PBX1: variants seen among roughly 807,000 people sequenced by gnomAD.
The protein encoded by PBX1 is PBX homeobox 1.
In PBX1, 6 loss-of-function variants were observed where a neutral mutation model predicts 53.4. The ratio of observed to expected loss-of-function variants is 0.11; its 90% CI spans 0.06 to 0.22. The LOEUF is 0.22. PBX1 is among the 10% of genes least tolerant of loss of function. The probability of loss-of-function intolerance (pLI) is 1.00; values close to 1 mark genes in which losing one functional copy is unlikely to be tolerated. For missense variants in PBX1, 251 were observed against 551.4 expected (o/e 0.46, Z 5.46); for synonymous variants, 204 against 212.3 (o/e 0.96, Z 0.34).
chr1:164,842,962 G>A (rs1671376425), intron 8 of PBX1, among the ~76,000 whole-genome samples: 1 of 133,254 alleles, frequency 7.5e-6, no homozygotes, highest in Admixed American at 8.1e-5. Context: ...ACTCTGCCCA[G>A]AGATAAATAA....
At chr1:164,603,884 T>C (rs1392389102) in intron 2 of PBX1, among the ~76,000 whole-genome samples, 1 of 150,784 alleles carries the variant, frequency 6.6e-6, no homozygotes, top group Non-Finnish European at 1.5e-5. Context: ...GCAGATACTG[T>C]TTGCTAGACA....
chr1:164,816,083 T>C (rs1669867753), intron 6 of PBX1: 1 of 152,210 alleles, frequency 6.6e-6, no homozygotes, highest in African/African-American at 2.4e-5. Flanking sequence ...CCCACTGATG[T>C]TTTATCTCAT....
At chr1:164,763,157 A>G (rs1412157006) in intron 2 of PBX1, among the ~76,000 whole-genome samples, 2 of 152,230 alleles carry the variant, frequency 1.3e-5, no homozygotes, top group African/African-American at 4.8e-5. Context: ...CTGAAACCAC[A>G]TCCACCCCCT....
chr1:164,768,603 C>T (rs1447341063), intron 2 of PBX1, among the ~76,000 whole-genome samples: 1 of 152,186 alleles, frequency 6.6e-6, no homozygotes, highest in Non-Finnish European at 1.5e-5. Context: ...AGAATGGTTC[C>T]AGCCAGCAAG....
At chr1:164,722,737 T>G (rs1237605654) in intron 2 of PBX1, among the ~76,000 whole-genome samples, 1 of 152,220 alleles carries the variant, frequency 6.6e-6, no homozygotes, top group Non-Finnish European at 1.5e-5. Context: ...ACTAAGACCA[T>G]GCCTTAGCAA....
At chr1:164,681,260 G>C (rs1661754056) in intron 2 of PBX1, among the ~76,000 whole-genome samples, 1 of 152,074 alleles carries the variant, frequency 6.6e-6, no homozygotes, top group Non-Finnish European at 1.5e-5. Flanking sequence ...CTAAGAACTA[G>C]ATAAAAGAAA....
intron 2 of PBX1, among the ~76,000 whole-genome samples, chr1:164,598,898 A>G (rs2101793833): frequency 6.6e-6 from 1 of 152,238 alleles, no homozygotes; most frequent in South Asian, 2.1e-4. Context: ...CTTTTACATA[A>G]AAGAAAACAG....
At chr1:164,784,861 C>A (rs146186862) in intron 2 of PBX1, among the ~76,000 whole-genome samples, 31 of 152,246 alleles carry the variant, frequency 2.0e-4, no homozygotes, top group African/African-American at 7.5e-4. Flanking sequence ...TCCTTCAAAT[C>A]CCTGAACTTG....
At chr1:164,822,059 G>T (rs527326035) in intron 8 of PBX1, among the ~76,000 whole-genome samples, 1 of 152,072 alleles carries the variant, frequency 6.6e-6, no homozygotes, top group East Asian at 1.9e-4. Context: ...GTCTATGGAC[G>T]ATTAAAAAGA....
chr1:164,761,450 CTT>C (rs35369933), intron 2 of PBX1, among the ~76,000 whole-genome samples: 1 of 146,524 alleles, frequency 6.8e-6, no homozygotes. Context: ...GGACATTATT[CTT>C]TTTTTTTTTT....
At chr1:164,807,827 T>C in intron 5 of PBX1, 150 bp downstream of exon 5, 1 of 868,946 alleles carries the variant, frequency 1.2e-6, no homozygotes, top group Non-Finnish European at 1.7e-6. Context: ...ACTTGATGTG[T>C]ATGCGTATAA....
chr1:164,716,076 A>G (rs1039736084), intron 2 of PBX1, among the ~76,000 whole-genome samples: 1 of 152,232 alleles, frequency 6.6e-6, no homozygotes, highest in Admixed American at 6.5e-5. Flanking sequence ...CGTGACTGGC[A>G]TATTTGGGTC....
chr1:164,645,128 T>C (rs1659376734), intron 2 of PBX1, among the ~76,000 whole-genome samples: 1 of 152,176 alleles, frequency 6.6e-6, no homozygotes, highest in African/African-American at 2.4e-5. Context: ...CCATGAGTCA[T>C]CCACTGGGTT....
At chr1:164,826,413 C>T (rs1471459593) in intron 8 of PBX1, among the ~76,000 whole-genome samples, 1 of 151,082 alleles carries the variant, frequency 6.6e-6, no homozygotes, top group African/African-American at 2.4e-5. Context: ...TGTTTGTTTT[C>T]TTTTTTTTTG....
intron 2 of PBX1, among the ~76,000 whole-genome samples, chr1:164,713,122 G>A (rs1663894417): frequency 2.6e-5 from 4 of 152,128 alleles, no homozygotes; most frequent in Admixed American, 2.0e-4. Flanking sequence ...CAAGTCATTC[G>A]TTAATGACTG....
At chr1:164,722,805 C>G (rs1382927523) in intron 2 of PBX1, among the ~76,000 whole-genome samples, 3 of 151,458 alleles carry the variant, frequency 2.0e-5, no homozygotes, top group Admixed American at 2.0e-4. Context: ...GGTGCAGAAG[C>G]ACTGCTCAGG....
chr1:164,693,482 T>A (rs1054425510), intron 2 of PBX1, among the ~76,000 whole-genome samples: 1 of 152,102 alleles, frequency 6.6e-6, no homozygotes, highest in Admixed American at 6.6e-5. Context: ...TTAGGTAGGG[T>A]CCCCACTATT....
chr1:164,838,598 T>C (rs940040572), intron 8 of PBX1, among the ~76,000 whole-genome samples: 2 of 152,154 alleles, frequency 1.3e-5, no homozygotes, highest in Non-Finnish European at 2.9e-5. Context: ...GCCCCGTCTT[T>C]TGAAAATTGA....
chr1:164,771,057 A>G (rs933396167), intron 2 of PBX1: 3 of 152,014 alleles, frequency 2.0e-5, no homozygotes, highest in African/African-American at 4.8e-5. Flanking sequence ...GCTTCTCCCT[A>G]AAAACCTTGA....
Sources: gnomAD v4.1 joint callset for allele counts (sites outside exome capture counted in the v4.1 genomes callset) on GRCh38, gnomAD v4.1.1 for gene constraint, MANE v1.5 for transcripts, NCBI Gene and HGNC (gene_info 2026-07-23, HGNC 2026-07-21) for gene names.